LNPK: variants seen among roughly 807,000 people sequenced by gnomAD.
LNPK encodes lunapark, ER junction formation factor.
In LNPK, 29 loss-of-function variants were observed where a neutral mutation model predicts 55.2. The ratio of observed to expected loss-of-function variants is 0.53; its 90% CI spans 0.39 to 0.72. LNPK has a LOEUF of 0.72. Ranked by LOEUF, LNPK falls within the 30% of genes least tolerant of loss-of-function variation. LNPK has a pLI of 0.00. For missense variants in LNPK, 467 were observed against 494.8 expected (o/e 0.94, Z 0.53); for synonymous variants, 162 against 168.2 (o/e 0.96, Z 0.29).
intron 12 of LNPK, among the ~76,000 whole-genome samples, chr2:175,933,069 C>T (rs1405577970): frequency 6.6e-6 from 1 of 152,026 alleles, no homozygotes; most frequent in Admixed American, 6.6e-5. Flanking sequence ...AAACAATATA[C>T]CACAATGCCA....
chr2:175,935,908 T>C (rs1211581735), intron 12 of LNPK: 1 of 157,848 alleles, frequency 6.3e-6, no homozygotes, highest in African/African-American at 2.4e-5. Context: ...GTGTTGACTG[T>C]TTCTTCCTGT....
chr2:175,987,267 C>T (rs1160958960), intron 4 of LNPK, among the ~76,000 whole-genome samples: 2 of 152,098 alleles, frequency 1.3e-5, no homozygotes, highest in Non-Finnish European at 2.9e-5. Context: ...AGACTTGGAA[C>T]CAACCCATTT....
intron 11 of LNPK, chr2:175,937,878 C>A: frequency 5.5e-6 from 1 of 180,910 alleles, no homozygotes; most frequent in Non-Finnish European, 1.1e-5. Flanking sequence ...CAGAAGCTTG[C>A]ACATTTACCC....
At chr2:175,967,149 T>G (rs1686400736) in intron 6 of LNPK, among the ~76,000 whole-genome samples, 1 of 152,216 alleles carries the variant, frequency 6.6e-6, no homozygotes, top group African/African-American at 2.4e-5. Context: ...TAAAACATTA[T>G]AACATTTTTT....
Position 175,982,502 on chromosome 2 carries a change from C to T in LNPK, c.258-2634G>A, listed in dbSNP as rs1211160539. Among the ~76,000 whole-genome samples, 3 of 152,136 alleles carry T rather than the reference C, an allele frequency of 2.0e-5. No individual in the cohort carries two copies. The East Asian group carries it at 5.8e-4, about 29-fold the overall frequency. On this transcript the variant is annotated intron_variant, in intron 4 of 12. Coordinates refer to ENST00000272748, the MANE Select transcript of LNPK (RefSeq NM_030650.3). The stretch of plus-strand genomic sequence containing the variant: ...TCCATATGTCAAGTCTTCAAGACTT[C>T]AAAAGGTAAAACAGAATTTATTTTT...
chr2:175,941,815 A>G (rs967628945), intron 9 of LNPK, among the ~76,000 whole-genome samples: 1 of 148,986 alleles, frequency 6.7e-6, no homozygotes, highest in Non-Finnish European at 1.5e-5. Context: ...AAAGAAAAAG[A>G]AAAAGAAGAG....
chr2:175,960,507 T>C (rs1287928868), intron 8 of LNPK, among the ~76,000 whole-genome samples: 2 of 151,882 alleles, frequency 1.3e-5, no homozygotes, highest in Non-Finnish European at 2.9e-5. Context: ...TTCTTTGAAA[T>C]CAATAAGAAC....
chr2:175,965,756 C>G (rs1039202303), intron 6 of LNPK, among the ~76,000 whole-genome samples: 4 of 151,842 alleles, frequency 2.6e-5, no homozygotes, highest in African/African-American at 9.7e-5. Flanking sequence ...AACAAGTTGA[C>G]TTTTCTGATG....
Position 175,967,494 on chromosome 2 carries a change from G to A in LNPK, c.358-2905C>T, listed in dbSNP as rs149093204. On this transcript the variant is annotated intron_variant, in intron 6 of 12. Coordinates refer to ENST00000272748, the MANE Select transcript of LNPK (RefSeq NM_030650.3). ...CATTCTTGAAACAGAATTTTAAAAC[G>A]CACAAAGCATTAATTTCCCTAACCA... The A allele has an allele frequency of 7.7e-4, 170 of 220,166 alleles. 1 individual carries two copies. Among genetic ancestry groups the A allele is most frequent in the African/African-American group, 3.4e-3 (145 of 42,690 alleles). The allele number at this position is 220,166 out of a possible 1,614,324, so 13.6% of individuals were successfully genotyped here.
intron 4 of LNPK, among the ~76,000 whole-genome samples, chr2:175,987,344 T>TA: frequency 6.6e-6 from 1 of 152,296 alleles, no homozygotes; most frequent in Middle Eastern, 3.4e-3. Flanking sequence ...TATGCAGCCA[T>TA]AAAAAATGAT....
intron 6 of LNPK, chr2:175,967,570 C>A (rs936823179): frequency 1.2e-6 from 1 of 863,348 alleles, no homozygotes; most frequent in Non-Finnish European, 1.4e-6. Context: ...TCTTTCATTT[C>A]TTTCATTTTG....
At chr2:175,992,593 T>C (rs1687756387) in intron 3 of LNPK, among the ~76,000 whole-genome samples, 175 bp from the exon 4 acceptor site, 1 of 152,102 alleles carries the variant, frequency 6.6e-6, no homozygotes, top group African/African-American at 2.4e-5. Flanking sequence ...AAACTAAAAA[T>C]GAAGTTAAAA....
intron 8 of LNPK, among the ~76,000 whole-genome samples, chr2:175,963,962 A>G (rs942886829): frequency 1.1e-4 from 17 of 152,052 alleles, no homozygotes; most frequent in African/African-American, 3.9e-4. Context: ...ATTTTATTCT[A>G]AAGTGTTATT....
chr2:175,957,012 G>A (rs888309214), intron 8 of LNPK, among the ~76,000 whole-genome samples: 5 of 151,978 alleles, frequency 3.3e-5, no homozygotes, highest in Admixed American at 6.6e-5. Flanking sequence ...TTTTCTTCAA[G>A]CCTCCAACAT....
chr2:175,935,764 A>AATGAGACG (rs1189690186), intron 12 of LNPK: 2 of 975,196 alleles, frequency 2.1e-6, no homozygotes, highest in East Asian at 2.3e-4. Flanking sequence ...TCAGACAGAA[A>AATGAGACG]ATGAGACGTC....
chr2:175,940,573 T>C (rs1316283774), intron 9 of LNPK, among the ~76,000 whole-genome samples: 1 of 152,140 alleles, frequency 6.6e-6, no homozygotes, highest in Non-Finnish European at 1.5e-5. Context: ...TGTATAGGAA[T>C]TTTTAAAACC....
chr2:175,924,578 T>C lies in LNPK; in HGVS notation c.*5389A>G, dbSNP rs145590162. On this transcript the variant is annotated 3_prime_UTR_variant, in exon 13 of 13. Transcript: ENST00000272748. ...AATCATCCTGCATTAACAGTTGAGA[T>C]CTAAGTTCTGGCTTGGCTCAGGTGC... 6.6e-6 allele frequency: 1 copy of C among 152,146 alleles called. No individual in the cohort carries two copies. The highest frequency in any genetic ancestry group is 1.5e-5 in the Non-Finnish European group (1 of 68,018). The allele number at this position is 152,146 out of a possible 1,614,324, so 9.4% of individuals were successfully genotyped here. A position where few individuals can be genotyped will look rare whatever the true frequency, so the allele number is the denominator to read the frequency against.
chr2:175,969,099 C>A (rs563502856), intron 6 of LNPK, among the ~76,000 whole-genome samples: 239 of 151,224 alleles, frequency 1.6e-3, no homozygotes, highest in African/African-American at 5.6e-3. Flanking sequence ...GTCAAGATCA[C>A]AAACTAGTTC....
At chr2:175,955,814 C>T (rs1308492770) in intron 8 of LNPK, among the ~76,000 whole-genome samples, 1 of 152,176 alleles carries the variant, frequency 6.6e-6, no homozygotes, top group Admixed American at 6.5e-5. Flanking sequence ...ACTCTATTTG[C>T]TAAAACCATT....
Sources: gnomAD v4.1 joint callset for allele counts (sites outside exome capture counted in the v4.1 genomes callset) on GRCh38, gnomAD v4.1.1 for gene constraint, MANE v1.5 for transcripts, NCBI Gene and HGNC (gene_info 2026-07-23, HGNC 2026-07-21) for gene names.